GRK5: variants seen among roughly 807,000 people sequenced by gnomAD.
GRK5 encodes g protein-coupled receptor kinase GRK5.
In GRK5, 40 loss-of-function variants were observed where a neutral mutation model predicts 78.4. The observed-to-expected ratio is 0.51, with a 90% CI of 0.40 to 0.66. The LOEUF is 0.66. Among genes scored for constraint, GRK5 ranks in the 30% least tolerant of loss-of-function variants. The pLI, the probability that GRK5 is intolerant of heterozygous loss-of-function variation, is 0.00. For synonymous variants in GRK5, 289 were observed against 296.8 expected, an observed-to-expected ratio of 0.97 and a Z score of 0.27; for missense variants, 598 against 759.9, an observed-to-expected ratio of 0.79 and a Z score of 2.50.
At chr10:119,449,420 C>T (rs139345083) in intron 13 of GRK5, among the ~76,000 whole-genome samples, 6 of 152,298 alleles carry the variant, frequency 3.9e-5, no homozygotes, top group African/African-American at 1.4e-4. Context: ...ATGGCAACCA[C>T]ACCACAGACC....
In GRK5 at chr10:119,445,871, C is replaced by T. The variant is rs781173490; in HGVS notation, c.1266+2119C>T. On this transcript the variant is annotated intron_variant, in intron 12 of 15. Transcript: ENST00000392870. This position sits in a 1 kb window ranked among gnomAD's most constrained non-coding sequence, Gnocchi z 4.1. ...AATCAGTGAGGAAGCCAGTCTCTGG[C>T]CCCCAGGTCTGTCCCCCATTCTACC... 5.3e-5 allele frequency among the ~76,000 whole-genome samples: 8 copies of T among 152,126 alleles called. 1 individual carries two copies. Among genetic ancestry groups the T allele is most frequent in the Non-Finnish European group, 1.2e-4 (8 of 68,022 alleles).
chr10:119,268,870 T>A (rs964506872), intron 1 of GRK5, among the ~76,000 whole-genome samples: 1 of 152,332 alleles, frequency 6.6e-6, no homozygotes, highest in Admixed American at 6.5e-5. Flanking sequence ...TCATCCATCA[T>A]CCACCACGGC....
intron 1 of GRK5, among the ~76,000 whole-genome samples, chr10:119,292,598 C>T (rs954489638): frequency 6.6e-6 from 1 of 152,220 alleles, no homozygotes; most frequent in African/African-American, 2.4e-5. Flanking sequence ...GGACAAGGCT[C>T]TCCAATCATA....
At chr10:119,390,606 A>C (rs1211329290) in intron 3 of GRK5, among the ~76,000 whole-genome samples, 2 of 152,178 alleles carry the variant, frequency 1.3e-5, no homozygotes, top group Non-Finnish European at 2.9e-5. Flanking sequence ...GAGACAGGAG[A>C]ATCACTTGAA....
At chr10:119,303,689 G>A (rs559463889) in intron 1 of GRK5, among the ~76,000 whole-genome samples, 2 of 151,356 alleles carry the variant, frequency 1.3e-5, no homozygotes, top group South Asian at 4.2e-4. Flanking sequence ...AGTTTGAAAG[G>A]GGCAAGAACG....
chr10:119,307,580 C>T (rs897539535), intron 1 of GRK5, among the ~76,000 whole-genome samples: 7 of 152,178 alleles, frequency 4.6e-5, no homozygotes, highest in Admixed American at 3.9e-4. Context: ...AGATTCTCCC[C>T]TGGAGTCTCC....
At chr10:119,299,679 G>A (rs987288538) in intron 1 of GRK5, among the ~76,000 whole-genome samples, 1 of 152,164 alleles carries the variant, frequency 6.6e-6, no homozygotes, top group Non-Finnish European at 1.5e-5. Flanking sequence ...CAAGAAGGAA[G>A]TGCAGAGAAG....
chr10:119,216,149 C>T (rs747349492), intron 1 of GRK5, among the ~76,000 whole-genome samples: 6 of 152,148 alleles, frequency 3.9e-5, no homozygotes, highest in Non-Finnish European at 8.8e-5. Flanking sequence ...CCCTGGTGTC[C>T]GAAGCAAGGG....
chr10:119,319,762 C>T (rs1412217393), intron 1 of GRK5, among the ~76,000 whole-genome samples: 1 of 152,250 alleles, frequency 6.6e-6, no homozygotes, highest in South Asian at 2.1e-4. Context: ...TCCCTGGCTC[C>T]ATTAATTCCT....
At chr10:119,298,258 C>A (rs1850115985) in intron 1 of GRK5, among the ~76,000 whole-genome samples, 1 of 152,144 alleles carries the variant, frequency 6.6e-6, no homozygotes, top group Non-Finnish European at 1.5e-5. Context: ...AGGCACAATT[C>A]CAAGTGCCTA....
chr10:119,299,915 A>G (rs113161160), intron 1 of GRK5, among the ~76,000 whole-genome samples: 219 of 152,104 alleles, frequency 1.4e-3, no homozygotes, highest in African/African-American at 5.0e-3. Flanking sequence ...TGCATCCGTT[A>G]ACTCGTCATT....
intron 2 of GRK5, among the ~76,000 whole-genome samples, chr10:119,332,252 G>T (rs1172784235): frequency 6.6e-6 from 1 of 151,872 alleles, no homozygotes; most frequent in African/African-American, 2.4e-5. Context: ...GACTACAAAC[G>T]TGCACTACCA....
At chr10:119,396,329 A>G (rs1443941405) in intron 3 of GRK5, among the ~76,000 whole-genome samples, 1 of 152,220 alleles carries the variant, frequency 6.6e-6, no homozygotes, top group Non-Finnish European at 1.5e-5. Context: ...GATTCATCTA[A>G]GTCAGTGGTC....
intron 1 of GRK5, among the ~76,000 whole-genome samples, chr10:119,263,002 A>G (rs933889820): frequency 6.6e-6 from 1 of 151,974 alleles, no homozygotes; most frequent in African/African-American, 2.4e-5. Context: ...TCTCTTGGAG[A>G]TTCACAATGT....
intron 1 of GRK5, among the ~76,000 whole-genome samples, chr10:119,254,932 G>A (rs1334396899): frequency 6.7e-6 from 1 of 150,156 alleles, no homozygotes; most frequent in Non-Finnish European, 1.5e-5. Context: ...GCAGGTGCCT[G>A]TAATCCCAGC....
rs565438277 is a variant in GRK5, at chr10:119,257,624, T to G, written c.52+49655T>G. On this transcript the variant is annotated intron_variant, in intron 1 of 15. Transcript: ENST00000392870. ...CTGTAGTCCCAGCTACTCAGGAGGC[T>G]GAGGCAGGAGAATCATTTGAGCCTG... 1.9e-3 allele frequency among the ~76,000 whole-genome samples: 285 copies of G among 152,328 alleles called. 1 individual carries two copies. The highest frequency in any genetic ancestry group is 6.5e-3 in the African/African-American group (271 of 41,580).
chr10:119,406,693 C>A (rs1206746214), intron 4 of GRK5, among the ~76,000 whole-genome samples: 1 of 152,256 alleles, frequency 6.6e-6, no homozygotes, highest in Non-Finnish European at 1.5e-5. Context: ...CCAGCATTTC[C>A]AGCTTCCTGT....
intron 1 of GRK5, among the ~76,000 whole-genome samples, chr10:119,244,517 A>C (rs774098505): frequency 3.1e-4 from 47 of 152,248 alleles, no homozygotes; most frequent in Non-Finnish European, 1.6e-4. Flanking sequence ...GAAAAATGCA[A>C]ATCAAAACCT....
At position 119,335,759 on chromosome 10, in the gene GRK5, G is replaced by T. The variant is rs145650653; in HGVS notation, c.148+9148G>T. Among the ~76,000 whole-genome samples, 371 of 152,348 alleles carry T rather than the reference G, an allele frequency of 2.4e-3. 4 individuals are homozygous for T. The highest frequency in any genetic ancestry group is 8.3e-3 in the African/African-American group (345 of 41,582). The stretch of plus-strand genomic sequence containing the variant: ...TGCAGTCACCGGACTTGTGTCACAG[G>T]CCACCCTTGTCCAGCAGCGAGGGCT... On this transcript the variant is annotated intron_variant, in intron 2 of 15. Transcript: ENST00000392870.
Sources: gnomAD v4.1 joint callset for allele counts (sites outside exome capture counted in the v4.1 genomes callset) on GRCh38, gnomAD v4.1.1 for gene constraint, Gnocchi (gnomAD v3.1) non-coding constraint, MANE v1.5 for transcripts, NCBI Gene and HGNC (gene_info 2026-07-23, HGNC 2026-07-21) for gene names.